CPVL: variants seen among roughly 807,000 people sequenced by gnomAD.
CPVL encodes carboxypeptidase vitellogenic like.
Under a neutral mutation model 63.7 loss-of-function variants are expected in CPVL, and 51 were observed. That is an observed-to-expected ratio of 0.80 (90% confidence interval 0.64 to 1.01). The LOEUF (loss-of-function observed/expected upper bound fraction) is 1.01, where lower values mean the gene tolerates loss of function less well. Ranked by LOEUF, CPVL falls within the 50% of genes least tolerant of loss-of-function variation. CPVL has a pLI of 0.00. For synonymous variants in CPVL, 195 were observed against 206.0 expected, an observed-to-expected ratio of 0.95 and a Z score of 0.46; for missense variants, 530 against 573.1, an observed-to-expected ratio of 0.92 and a Z score of 0.77.
intron 7 of CPVL, 31 bp from the exon 8 acceptor site, chr7:29,072,454 C>T: frequency 2.5e-6 from 4 of 1,606,184 alleles, no homozygotes; most frequent in Non-Finnish European, 3.4e-6. Context: ...AATGGCCAAT[C>T]ACAAATGGAT....
intron 1 of CPVL, among the ~76,000 whole-genome samples, chr7:29,134,513 G>A (rs1044759281): frequency 3.9e-5 from 6 of 152,194 alleles, no homozygotes; most frequent in Non-Finnish European, 2.9e-5. Flanking sequence ...AATGTATGAA[G>A]CAGAATAACT....
At chr7:29,090,431 G>C (rs1403504340) in intron 6 of CPVL, among the ~76,000 whole-genome samples, 1 of 152,196 alleles carries the variant, frequency 6.6e-6, no homozygotes, top group Non-Finnish European at 1.5e-5. Flanking sequence ...ATGAAGCTTT[G>C]TTTAGCAACA....
At chr7:29,007,752 A>AACACAC (rs70977090) in intron 12 of CPVL, among the ~76,000 whole-genome samples, 153 of 150,016 alleles carry the variant, frequency 1.0e-3, no homozygotes, top group Non-Finnish European at 1.7e-3. Flanking sequence ...GTAGTATTAA[A>AACACAC]ACACACACAC....
intron 5 of CPVL, among the ~76,000 whole-genome samples, chr7:29,175,221 C>G (rs1797139461): frequency 6.6e-6 from 1 of 151,326 alleles, no homozygotes; most frequent in Non-Finnish European, 1.5e-5. Flanking sequence ...GTCACCCAGG[C>G]TGGAGTGTAG....
At chr7:29,023,011 T>C (rs1160380725) in intron 12 of CPVL, among the ~76,000 whole-genome samples, 2 of 152,320 alleles carry the variant, frequency 1.3e-5, no homozygotes, top group East Asian at 3.9e-4. Flanking sequence ...TGTACCACCT[T>C]GGGGCTGGGG....
At chr7:29,188,800 C>G (rs1021051770) in intron 1 of CPVL, among the ~76,000 whole-genome samples, 1 of 152,050 alleles carries the variant, frequency 6.6e-6, no homozygotes, top group African/African-American at 2.4e-5. Flanking sequence ...AAGTCGTCAC[C>G]GGCATGGATA....
chr7:29,064,241 G>A lies in CPVL; in HGVS notation c.964-7C>T. ...AAAGCTGATCCTCAGGTTCCTGGCA[G>A]AAGGGGCATTGGAAAGACATAGGGA... On this transcript the variant is annotated splice_polypyrimidine_tract_variant and splice_region_variant and intron_variant, in intron 10 of 12. Transcript: ENST00000265394. The A allele has an allele frequency of 6.2e-7, 1 of 1,601,054 alleles. No homozygotes were observed. Among genetic ancestry groups the A allele is most frequent in the Non-Finnish European group, 8.6e-7 (1 of 1,169,138 alleles).
At chr7:29,164,211 C>T (rs1206797254) in intron 5 of CPVL, among the ~76,000 whole-genome samples, 2 of 152,118 alleles carry the variant, frequency 1.3e-5, no homozygotes, top group Non-Finnish European at 2.9e-5. Context: ...GTCAACTCAC[C>T]GTGATTTAAA....
chr7:29,017,662 C>T (rs1350341553), intron 12 of CPVL, among the ~76,000 whole-genome samples: 2 of 151,968 alleles, frequency 1.3e-5, no homozygotes, highest in South Asian at 4.2e-4. Flanking sequence ...AACAAAAAAC[C>T]CCAATCTTCT....
At chr7:29,130,229 T>C (rs1172152293) in intron 1 of CPVL, among the ~76,000 whole-genome samples, 2 of 152,192 alleles carry the variant, frequency 1.3e-5, no homozygotes, top group South Asian at 2.1e-4. Flanking sequence ...AGTTCTACTT[T>C]AAGTTGCCTG....
At chr7:29,169,965 C>T (rs1189494517) in intron 5 of CPVL, among the ~76,000 whole-genome samples, 1 of 151,840 alleles carries the variant, frequency 6.6e-6, no homozygotes, top group Non-Finnish European at 1.5e-5. Context: ...CAGCCTTGAA[C>T]CCCTGGGCTC....
In CPVL at chr7:29,004,594, C is replaced by T. The variant is rs75067833; in HGVS notation, c.1321-8712G>A. 5.2e-3 allele frequency among the ~76,000 whole-genome samples: 788 copies of T among 152,284 alleles called. 7 individuals carry two copies. Among genetic ancestry groups the T allele is most frequent in the African/African-American group, 0.017 (704 of 41,564 alleles). On this transcript the variant is annotated intron_variant, in intron 12 of 12. Coordinates refer to ENST00000265394, the MANE Select transcript of CPVL (RefSeq NM_031311.5). ...CCATTTGGCCTGATGGTTAAGAGCA[C>T]GGACTTGGGATTTGGTAGCTCAGGG...
intron 1 of CPVL, among the ~76,000 whole-genome samples, chr7:29,138,934 T>G (rs989200166): frequency 9.2e-5 from 14 of 152,276 alleles, no homozygotes; most frequent in Admixed American, 7.2e-4. Flanking sequence ...CTCCCAACCT[T>G]TGGGTATGTG....
At chr7:29,101,162 A>G (rs1272977580) in intron 3 of CPVL, among the ~76,000 whole-genome samples, 3 of 152,240 alleles carry the variant, frequency 2.0e-5, no homozygotes, top group Non-Finnish European at 2.9e-5. Flanking sequence ...ACCACATTGC[A>G]ATACTTAAGA....
chr7:29,004,999 T>C (rs1785040114), intron 12 of CPVL, among the ~76,000 whole-genome samples: 1 of 151,264 alleles, frequency 6.6e-6, no homozygotes, highest in Non-Finnish European at 1.5e-5. Context: ...TGAGTTCAAG[T>C]GATTCTTGTG....
chr7:29,129,718 C>G (rs1026641000), intron 1 of CPVL, among the ~76,000 whole-genome samples: 15 of 152,096 alleles, frequency 9.9e-5, no homozygotes, highest in African/African-American at 3.1e-4. Context: ...CTGCCCACCT[C>G]GGCTTCCCAA....
At chr7:29,046,398 A>G (rs762610391) in intron 11 of CPVL, among the ~76,000 whole-genome samples, 1 of 152,112 alleles carries the variant, frequency 6.6e-6, no homozygotes, top group Non-Finnish European at 1.5e-5. Context: ...AAACTTTTAC[A>G]TACAGCATAT....
At chr7:29,071,578 G>A (rs1562753646) in intron 9 of CPVL, among the ~76,000 whole-genome samples, 195 bp downstream of exon 9, 1 of 152,172 alleles carries the variant, frequency 6.6e-6, no homozygotes, top group African/African-American at 2.4e-5. Context: ...TATAGCCAAA[G>A]TAAATTCAAA....
intron 4 of CPVL, among the ~76,000 whole-genome samples, chr7:29,183,727 A>G (rs1341008433): frequency 6.6e-6 from 1 of 152,188 alleles, no homozygotes; most frequent in Non-Finnish European, 1.5e-5. Context: ...AAAGAGAACC[A>G]ATAAGAGAGA....
Sources: allele counts gnomAD v4.1 joint callset (sites outside exome capture counted in the v4.1 genomes callset), GRCh38; gene constraint gnomAD v4.1.1; transcripts MANE v1.5; gene names NCBI Gene and HGNC (gene_info 2026-07-23, HGNC 2026-07-21).